The following GPM6A variants were observed in gnomAD, a reference collection of about 807,000 sequenced individuals.
GPM6A encodes neuronal membrane glycoprotein M6-a.
Under a neutral mutation model 32.1 loss-of-function variants are expected in GPM6A, and 7 were observed. The observed-to-expected ratio is 0.22, with a 90% confidence interval of 0.12 to 0.41. The LOEUF (loss-of-function observed/expected upper bound fraction) is 0.41. GPM6A is among the 10% of genes least tolerant of loss of function. The pLI is 1.00. For missense variants in GPM6A, 235 were observed against 347.2 expected, an observed-to-expected ratio of 0.68 and a Z score of 2.57; for synonymous variants, 130 against 123.4, an observed-to-expected ratio of 1.05 and a Z score of -0.35.
At chr4:175,902,600 C>T (rs1343770824) in intron 1 of GPM6A, among the ~76,000 whole-genome samples, 1 of 151,996 alleles carries the variant, frequency 6.6e-6, no homozygotes, top group Non-Finnish European at 1.5e-5. Flanking sequence ...GTGGGGTGGC[C>T]AGATTCTTCC....
At position 175,726,861 on chromosome 4, in the gene GPM6A, T is replaced by C. The variant is rs867925159; in HGVS notation, c.38-25094A>G. 2.6e-4 allele frequency among the ~76,000 whole-genome samples: 40 copies of C among 152,186 alleles called. No individual in the cohort carries two copies. The Middle Eastern group carries it at 0.014, about 52-fold the overall frequency. On this transcript the variant is annotated intron_variant, in intron 1 of 6. Transcript: ENST00000393658. Reference sequence around the variant, plus strand: ...AAATACAAAAATTAGCCGGGTGTGTTGATGTGCACCTGTAATTCCAGCTAT... The same window carrying C: ...AAATACAAAAATTAGCCGGGTGTGTCGATGTGCACCTGTAATTCCAGCTAT...
intron 1 of GPM6A, among the ~76,000 whole-genome samples, chr4:175,966,681 A>T (rs1183043392): frequency 1.3e-5 from 2 of 152,034 alleles, no homozygotes; most frequent in Non-Finnish European, 2.9e-5. Flanking sequence ...CCATGCTGGC[A>T]TCCTGATTTA....
intron 1 of GPM6A, among the ~76,000 whole-genome samples, chr4:175,952,951 C>T (rs1195580722): frequency 3.3e-5 from 5 of 151,500 alleles, no homozygotes; most frequent in African/African-American, 1.2e-4. Flanking sequence ...GATTGCTTGA[C>T]CCCAGTGGGT....
chr4:175,945,597 G>T (rs1402928958), intron 1 of GPM6A, among the ~76,000 whole-genome samples: 2 of 151,246 alleles, frequency 1.3e-5, no homozygotes, highest in African/African-American at 2.4e-5. Context: ...TTACTTAGTT[G>T]TAATATAACT....
intron 1 of GPM6A, among the ~76,000 whole-genome samples, chr4:175,751,147 A>G (rs1367480484): frequency 6.6e-6 from 1 of 152,208 alleles, no homozygotes; most frequent in Non-Finnish European, 1.5e-5. Context: ...ACAAAAATTC[A>G]AATACAGCAA....
chr4:175,924,821 C>T (rs1738779823), intron 1 of GPM6A, among the ~76,000 whole-genome samples: 1 of 122,580 alleles, frequency 8.2e-6, no homozygotes, highest in Non-Finnish European at 1.6e-5. Flanking sequence ...GCCTAGGCAA[C>T]AGAGTGAAAA....
chr4:175,996,268 G>A (rs2126469452), intron 1 of GPM6A, among the ~76,000 whole-genome samples: 1 of 152,278 alleles, frequency 6.6e-6, no homozygotes, highest in Non-Finnish European at 1.5e-5. Flanking sequence ...AGATTTACAT[G>A]AAGAGTTTTG....
chr4:175,871,048 C>A (rs1736890308), intron 1 of GPM6A, among the ~76,000 whole-genome samples: 1 of 151,894 alleles, frequency 6.6e-6, no homozygotes, highest in Admixed American at 6.6e-5. Flanking sequence ...TCCCATGCCT[C>A]CTGCTTGGTT....
At chr4:175,961,118 A>C (rs115830523) in intron 1 of GPM6A, 37 of 152,326 alleles carry the variant, frequency 2.4e-4, no homozygotes, top group African/African-American at 8.7e-4. Context: ...GAGCTAATGG[A>C]CTGTCAGTTG....
In GPM6A at chr4:175,800,307, G is replaced by A. The variant is rs1039089328; in HGVS notation, c.37+11884C>T. ...AGCATATACCCAAATCTAGGTAGAG[G>A]TATAGATTGTTTTACTTAATCAATG... On this transcript the variant is annotated intron_variant, in intron 1 of 6. Transcript: ENST00000393658. Among the ~76,000 whole-genome samples, 6 of 152,124 alleles carry A rather than the reference G, an allele frequency of 3.9e-5. No individual in the cohort carries two copies. In the East Asian group the frequency reaches 1.2e-3, roughly 29 times the overall value.
At chr4:175,823,301 A>G (rs1340411692) in intron 1 of GPM6A, among the ~76,000 whole-genome samples, 2 of 152,260 alleles carry the variant, frequency 1.3e-5, no homozygotes, top group African/African-American at 2.4e-5. Context: ...TATATTAACA[A>G]CAATGAACAT....
intron 4 of GPM6A, among the ~76,000 whole-genome samples, chr4:175,646,460 T>A (rs1457112105): frequency 6.6e-6 from 1 of 152,202 alleles, no homozygotes; most frequent in African/African-American, 2.4e-5. Context: ...GGACAAATAA[T>A]GGAATATTCC....
rs141451143 is a variant in GPM6A at position 175,914,700 on chromosome 4, G to C, written c.-23+87609C>G. ...CAAATATGCATTTGTCTTGTCTAGT[G>C]CCAGTGAAGATAAGCAGTTAGTTTA... On this transcript the variant is annotated intron_variant, in intron 1 of 7. Transcript: ENST00000280187. 1.1e-3 allele frequency among the ~76,000 whole-genome samples: 161 copies of C among 152,268 alleles called. 1 individual carries two copies. Among genetic ancestry groups the C allele is most frequent in the Middle Eastern group, 6.8e-3 (2 of 294 alleles).
At chr4:175,771,966 C>T (rs536407772) in intron 1 of GPM6A, among the ~76,000 whole-genome samples, 2 of 152,134 alleles carry the variant, frequency 1.3e-5, no homozygotes, top group Non-Finnish European at 2.9e-5. Flanking sequence ...TTTCTTGATA[C>T]GAGAGGCCAA....
At chr4:175,871,953 T>C (rs1736923670) in intron 1 of GPM6A, among the ~76,000 whole-genome samples, 1 of 152,230 alleles carries the variant, frequency 6.6e-6, no homozygotes, top group Non-Finnish European at 1.5e-5. Flanking sequence ...CTCTGACATA[T>C]GCATTCCAGA....
intron 1 of GPM6A, among the ~76,000 whole-genome samples, chr4:175,783,123 T>TA (rs1223424837): frequency 2.0e-5 from 3 of 152,014 alleles, no homozygotes; most frequent in African/African-American, 4.8e-5. Flanking sequence ...TTAACTTTTT[T>TA]AAAAAAGTAA....
rs57140730 is a variant in GPM6A, at chr4:175,900,497, C to CAAA, written c.-22-88251_-22-88249dup. Among the ~76,000 whole-genome samples, 745 of 144,228 alleles carry CAAA rather than the reference C, an allele frequency of 5.2e-3. 7 individuals carry two copies. Among genetic ancestry groups the CAAA allele is most frequent in the African/African-American group, 0.01 (410 of 39,484 alleles). 94.6% of individuals were successfully genotyped at this position (144,228 alleles called of 152,430 possible). On this transcript the variant is annotated intron_variant, in intron 1 of 7. Coordinates refer to the GPM6A transcript ENST00000280187. ...ATCTCAAAAGAAGACATACAAATGG[C>CAAA]AAAAAAAAAAGCATATGAAAAAGTG...
At chr4:175,844,087 TGGCTGTAAATCCCAA>T (rs1027264096) in intron 1 of GPM6A, among the ~76,000 whole-genome samples, 2 of 152,222 alleles carry the variant, frequency 1.3e-5, no homozygotes, top group African/African-American at 4.8e-5. Context: ...CTCTGCTCCT[TGGCTGTAAATCCCAA>T]GTTCTCTTTG....
chr4:175,966,434 T>C (rs930237679), intron 1 of GPM6A, among the ~76,000 whole-genome samples: 2 of 148,794 alleles, frequency 1.3e-5, no homozygotes, highest in African/African-American at 4.9e-5. Flanking sequence ...AATATATATA[T>C]ATTTCAAAAT....
Sources: allele counts gnomAD v4.1 joint callset (sites outside exome capture counted in the v4.1 genomes callset), GRCh38; gene constraint gnomAD v4.1.1; transcripts MANE v1.5; gene names NCBI Gene and HGNC (gene_info 2026-07-23, HGNC 2026-07-21).